BIVM: variants seen among roughly 807,000 people sequenced by gnomAD.
BIVM encodes the protein basic immunoglobulin-like variable motif-containing protein.
In BIVM, 31 loss-of-function variants were observed where a neutral mutation model predicts 61.4. The ratio of observed to expected loss-of-function variants is 0.51; its 90% confidence interval spans 0.38 to 0.68. The LOEUF (loss-of-function observed/expected upper bound fraction) is 0.68, where lower values mean the gene tolerates loss of function less well. Among genes scored for constraint, BIVM ranks in the 30% least tolerant of loss-of-function variants. The probability of loss-of-function intolerance (pLI) is 0.00; values close to 1 mark genes in which losing one functional copy is unlikely to be tolerated. For synonymous variants in BIVM, 189 were observed against 210.7 expected (o/e 0.90, Z 0.89); for missense variants, 526 against 596.0 (o/e 0.88, Z 1.22).
chr13:102,839,954 C>T lies in BIVM; in HGVS notation c.*89C>T, dbSNP rs564033335. 3 of 1,340,908 alleles carry T rather than the reference C, an allele frequency of 2.2e-6. No individual in the cohort carries two copies. The highest frequency in any genetic ancestry group is 2.3e-5 in the East Asian group (1 of 43,104). The allele number at this position is 1,340,908 out of a possible 1,614,324, so 83.1% of individuals were successfully genotyped here. On this transcript the variant is annotated 3_prime_UTR_variant, in exon 11 of 11. Coordinates refer to ENST00000257336, the MANE Select transcript of BIVM (RefSeq NM_017693.4). ...ACAGTAGAAGATTTTAGTAAGCCTA[C>T]ATTAAATAGGAGCAGATCTTGTGGT... is the stretch of plus-strand genomic sequence containing the variant.
At chr13:102,800,509 C>T (rs1167185006) in intron 1 of BIVM, 1 of 152,146 alleles carries the variant, frequency 6.6e-6, no homozygotes, top group Non-Finnish European at 1.5e-5. Flanking sequence ...TTCCTCTCTG[C>T]CCGCGTCGCC....
chr13:102,841,529 T>C lies in BIVM; in HGVS notation c.*1664T>C, dbSNP rs1161702950. The C allele has an allele frequency of 1.3e-5, 2 of 152,650 alleles. No individual in the cohort carries two copies. Among genetic ancestry groups the C allele is most frequent in the African/African-American group, 2.4e-5 (1 of 41,452 alleles). 9.5% of individuals were successfully genotyped at this position (152,650 alleles called of 1,614,324 possible). A position where few individuals can be genotyped will look rare whatever the true frequency, so the allele number is the denominator to read the frequency against. On this transcript the variant is annotated 3_prime_UTR_variant, in exon 11 of 11. Coordinates refer to ENST00000257336, the MANE Select transcript of BIVM (RefSeq NM_017693.4). ...ATCAAATAAAGTTTTGTTTTCTACT[T>C]TTAATTATATGAATGTTTTTAAACC...
chr13:102,826,643 T>C (rs745538245), intron 7 of BIVM, among the ~76,000 whole-genome samples: 2 of 152,232 alleles, frequency 1.3e-5, no homozygotes, highest in Non-Finnish European at 2.9e-5. Context: ...GTTCTCAGTC[T>C]TGTGTCCCAA....
chr13:102,808,430 A>G (rs1879250896), intron 3 of BIVM, among the ~76,000 whole-genome samples: 1 of 152,226 alleles, frequency 6.6e-6, no homozygotes, highest in Admixed American at 6.5e-5. Flanking sequence ...TGCAGAGTTA[A>G]TAAGAGGAGG....
At chr13:102,800,934 G>A (rs79164513) in intron 1 of BIVM, among the ~76,000 whole-genome samples, 3,064 of 152,316 alleles carry the variant, frequency 0.02, 124 homozygotes, top group African/African-American at 0.071. Context: ...ATACGAAAAG[G>A]CTTTACTGAA....
chr13:102,806,781 A>T (rs9585996), intron 2 of BIVM, among the ~76,000 whole-genome samples: 1 of 151,600 alleles, frequency 6.6e-6, no homozygotes, highest in Non-Finnish European at 1.5e-5. Context: ...GTGGTGGCGC[A>T]TGCCTGTAAT....
intron 1 of BIVM, among the ~76,000 whole-genome samples, chr13:102,804,086 C>A (rs1878910615): frequency 6.6e-6 from 1 of 152,262 alleles, no homozygotes; most frequent in South Asian, 2.1e-4. Flanking sequence ...TCCTATCCAA[C>A]TGACCCTCTT....
intron 6 of BIVM, 35 bp from the exon 7 acceptor site, chr13:102,822,030 T>C (rs748470517): frequency 1.2e-6 from 2 of 1,605,802 alleles, no homozygotes; most frequent in African/African-American, 2.7e-5. Flanking sequence ...TGTTGTAGAA[T>C]TGTTGCCATG....
chr13:102,807,220 T>TA lies in BIVM; in HGVS notation c.-47dup, dbSNP rs1177307950. ...TCAAAGTTGTTTATCAAGAAACAGA[T>TA]AGAGTTGCAACTTGTTTCTAGTAAT... On this transcript the variant is annotated 5_prime_UTR_variant, in exon 3 of 11. Coordinates refer to ENST00000257336, the MANE Select transcript of BIVM (RefSeq NM_017693.4). The surrounding 1 kb of genome is among the most constrained non-coding windows in gnomAD (Gnocchi z 4.0). The TA allele has an allele frequency of 3.0e-5, 46 of 1,521,602 alleles. No homozygotes were observed. Among genetic ancestry groups the TA allele is most frequent in the African/African-American group, 4.2e-5 (3 of 70,974 alleles). The allele number at this position is 1,521,602 out of a possible 1,614,324, so 94.3% of individuals were successfully genotyped here.
rs1037373119 is a variant in BIVM at position 102,840,339 on chromosome 13, G to T, written c.*474G>T. 6.5e-6 allele frequency: 1 copy of T among 152,930 alleles called. No homozygotes were observed. The highest frequency in any genetic ancestry group is 2.4e-5 in the African/African-American group (1 of 41,426). 9.5% of individuals were successfully genotyped at this position (152,930 alleles called of 1,614,324 possible). On this transcript the variant is annotated 3_prime_UTR_variant, in exon 11 of 11. Transcript: ENST00000257336. ...TCTAGTTTTCACTCATGGTTAACAC[G>T]CATTTAAAATTATTTCATGAGTCTA... is the stretch of plus-strand genomic sequence containing the variant.
chr13:102,812,868 C>T (rs1471588862), intron 3 of BIVM, among the ~76,000 whole-genome samples: 2 of 152,188 alleles, frequency 1.3e-5, no homozygotes, highest in African/African-American at 4.8e-5. Context: ...CTTTCAAGAT[C>T]AGAAGCAGCA....
rs753418596 is a variant in BIVM at position 102,834,552 on chromosome 13, A to C, written c.1121A>C (p.Lys374Thr). Residue 374 changes from lysine to threonine, a missense_variant and splice_region_variant, in exon 9 of 11, where the codon AAA (lysine) becomes ACA (threonine). Lys to Thr is a moderately conservative substitution (Grantham distance 78, BLOSUM62 -1). Transcript: ENST00000257336. Reference protein sequence around the residue: ...SRKHPAIHCKKWADIVTDLNT... With the variant: ...SRKHPAIHCKTWADIVTDLNT... ...AAACATCCTGCCATTCACTGTAAAA[A>C]GTATGTTAACTTCCCTTTATTTTCT... is the stretch of plus-strand genomic sequence containing the variant. 1 of 1,582,662 alleles carries C rather than the reference A, an allele frequency of 6.3e-7. No individual in the cohort carries two copies. Among genetic ancestry groups the C allele is most frequent in the South Asian group, 1.2e-5 (1 of 85,174 alleles).
intron 4 of BIVM, among the ~76,000 whole-genome samples, chr13:102,818,344 A>C (rs575669997): frequency 2.0e-5 from 3 of 152,332 alleles, no homozygotes; most frequent in Non-Finnish European, 2.9e-5. Context: ...TGTTTCTTAG[A>C]TATCAGGCTC....
At chr13:102,806,141 A>C (rs12584268) in intron 2 of BIVM, among the ~76,000 whole-genome samples, 7,947 of 151,546 alleles carry the variant, frequency 0.052, 225 homozygotes, top group East Asian at 0.1. Flanking sequence ...CCTCACCAAC[A>C]TTTTTGATTA....
rs539349222 is a variant in BIVM, at chr13:102,836,878, C to A, written c.1122-1765C>A. 3.3e-5 allele frequency among the ~76,000 whole-genome samples: 5 copies of A among 152,246 alleles called. No individual in the cohort carries two copies. The South Asian group carries it at 1.0e-3, about 32-fold the overall frequency. On this transcript the variant is annotated intron_variant, in intron 9 of 10. Transcript: ENST00000257336. Reference sequence around the variant, plus strand: ...GATAGCACGAATTCTCTGAATTTTTCTTTTTCTTAAAGATTGTTTTGGCTC... The same window carrying A: ...GATAGCACGAATTCTCTGAATTTTTATTTTTCTTAAAGATTGTTTTGGCTC...
At chr13:102,835,941 T>C (rs190228829) in intron 9 of BIVM, among the ~76,000 whole-genome samples, 2 of 152,370 alleles carry the variant, frequency 1.3e-5, no homozygotes, top group African/African-American at 4.8e-5. Flanking sequence ...ATCCATGTTT[T>C]AGCATGGATT....
At chr13:102,838,021 A>T (rs1269189136) in intron 9 of BIVM, among the ~76,000 whole-genome samples, 4 of 152,246 alleles carry the variant, frequency 2.6e-5, no homozygotes, top group Non-Finnish European at 5.9e-5. Flanking sequence ...GTATAACCAA[A>T]ACCCAGCTGT....
chr13:102,801,590 A>G (rs1368445453), intron 1 of BIVM: 1 of 152,120 alleles, frequency 6.6e-6, no homozygotes, highest in East Asian at 1.9e-4. Context: ...CTTGCCTGGA[A>G]GAGGGAACCG....
intron 3 of BIVM, among the ~76,000 whole-genome samples, chr13:102,810,415 C>G (rs1468283220): frequency 6.6e-6 from 1 of 152,146 alleles, no homozygotes; most frequent in Non-Finnish European, 1.5e-5. Context: ...CCCACGTATA[C>G]AAAAACATAT....
Sources: gnomAD v4.1 joint callset for allele counts (sites outside exome capture counted in the v4.1 genomes callset) on GRCh38, gnomAD v4.1.1 for gene constraint, Gnocchi (gnomAD v3.1) non-coding constraint, MANE v1.5 for transcripts, NCBI Gene and HGNC (gene_info 2026-07-23, HGNC 2026-07-21) for gene names.